SGCZ: variants seen among roughly 807,000 people sequenced by gnomAD.
SGCZ encodes the protein zeta-sarcoglycan.
SGCZ carries 40 observed loss-of-function variants against 41.3 expected under a neutral mutation model. That is an observed-to-expected ratio of 0.97 (90% CI 0.75 to 1.26). SGCZ has a LOEUF of 1.26. Among genes scored for constraint, SGCZ ranks in the 50% most tolerant of loss-of-function variants. The pLI is 0.00. For synonymous variants in SGCZ, 206 were observed against 137.5 expected (o/e 1.50, Z -3.49); for missense variants, 552 against 369.8 (o/e 1.49, Z -4.04).
At chr8:15,042,328 G>A (rs761637194) in intron 1 of SGCZ, among the ~76,000 whole-genome samples, 3 of 152,128 alleles carry the variant, frequency 2.0e-5, no homozygotes, top group Non-Finnish European at 4.4e-5. Flanking sequence ...CACAGCCTCT[G>A]TGTCAGCTCC....
chr8:14,567,305 T>A (rs1435339814), intron 1 of SGCZ, among the ~76,000 whole-genome samples: 6 of 152,130 alleles, frequency 3.9e-5, no homozygotes, highest in Non-Finnish European at 7.3e-5. Context: ...AGCTCCTGAG[T>A]CTAGTGGGGA....
At chr8:14,917,765 T>C (rs964550294) in intron 1 of SGCZ, among the ~76,000 whole-genome samples, 16 of 152,102 alleles carry the variant, frequency 1.1e-4, no homozygotes, top group African/African-American at 3.6e-4. Context: ...TCTGTCTTCA[T>C]TTGGAAAAAA....
rs537761455 is a variant in SGCZ, at chr8:14,897,713, T to G, written c.39+339872A>C. On this transcript the variant is annotated intron_variant, in intron 1 of 7. Transcript: ENST00000382080. The stretch of plus-strand genomic sequence containing the variant: ...ACTAAACTCTTTACGTTCTTGCAAC[T>G]GTATTATATCAACAAATGGCCATTC... Among the ~76,000 whole-genome samples, 3 of 152,334 alleles carry G rather than the reference T, an allele frequency of 2.0e-5. 1 individual carries two copies. In the South Asian group the frequency reaches 6.2e-4, roughly 32 times the overall value.
chr8:15,024,388 A>T (rs536901932), intron 1 of SGCZ, among the ~76,000 whole-genome samples: 1 of 152,304 alleles, frequency 6.6e-6, no homozygotes, highest in East Asian at 1.9e-4. Flanking sequence ...TATTCTGCAA[A>T]TATTTAGTGA....
At chr8:15,052,289 G>T (rs570416892) in intron 1 of SGCZ, among the ~76,000 whole-genome samples, 1 of 152,334 alleles carries the variant, frequency 6.6e-6, no homozygotes, top group South Asian at 2.1e-4. Context: ...GAGTTTCCAA[G>T]TACACATTCA....
At chr8:14,259,730 G>C (rs905298458) in intron 3 of SGCZ, among the ~76,000 whole-genome samples, 3 of 149,762 alleles carry the variant, frequency 2.0e-5, no homozygotes, top group Non-Finnish European at 4.5e-5. Context: ...AGTATAGTTT[G>C]AAATCAGGTA....
intron 1 of SGCZ, among the ~76,000 whole-genome samples, chr8:15,016,839 G>A (rs1172324201): frequency 6.6e-6 from 1 of 152,076 alleles, no homozygotes; most frequent in African/African-American, 2.4e-5. Context: ...ATGGTGGAAG[G>A]CAAAGGGAAT....
intron 1 of SGCZ, among the ~76,000 whole-genome samples, chr8:14,589,249 G>T (rs1042804642): frequency 2.6e-5 from 4 of 151,104 alleles, no homozygotes; most frequent in African/African-American, 9.7e-5. Flanking sequence ...GGGAGGCTGA[G>T]GCAGGAGAAT....
chr8:14,410,483 G>A (rs10089836), intron 2 of SGCZ, among the ~76,000 whole-genome samples: 2,307 of 151,812 alleles, frequency 0.015, 63 homozygotes, highest in African/African-American at 0.052. Flanking sequence ...ATTCACAGAA[G>A]GATGGAATTC....
At chr8:15,026,416 G>A (rs1409080898) in intron 1 of SGCZ, among the ~76,000 whole-genome samples, 3 of 152,098 alleles carry the variant, frequency 2.0e-5, no homozygotes, top group Non-Finnish European at 4.4e-5. Flanking sequence ...GTGTAGTGTT[G>A]TTTCCAAAAA....
At chr8:14,926,473 T>C (rs73517354) in intron 1 of SGCZ, among the ~76,000 whole-genome samples, 2,244 of 151,602 alleles carry the variant, frequency 0.015, 50 homozygotes, top group African/African-American at 0.049. Flanking sequence ...ATTTATCACG[T>C]AAGCATCTCA....
At chr8:15,206,452 C>CTTTTTTTTTTTTTTTTTTTTT (rs3069943) in intron 1 of SGCZ, among the ~76,000 whole-genome samples, 1 of 144,380 alleles carries the variant, frequency 6.9e-6, no homozygotes. Flanking sequence ...TCTGGGGAGT[C>CTTTTTTTTTTTTTTTTTTTTT]TTTTTTTTTT....
chr8:15,140,585 C>A (rs1224959941), intron 1 of SGCZ, among the ~76,000 whole-genome samples: 1 of 152,006 alleles, frequency 6.6e-6, no homozygotes, highest in African/African-American at 2.4e-5. Flanking sequence ...CCAACAAAAA[C>A]CAAAAATGAC....
At chr8:14,966,654 G>A (rs1801135250) in intron 1 of SGCZ, among the ~76,000 whole-genome samples, 1 of 151,966 alleles carries the variant, frequency 6.6e-6, no homozygotes, top group African/African-American at 2.4e-5. Flanking sequence ...TTCTGTAAAA[G>A]CACCAGATTA....
chr8:14,766,970 G>A (rs1026657811), intron 1 of SGCZ, among the ~76,000 whole-genome samples: 9 of 152,000 alleles, frequency 5.9e-5, no homozygotes, highest in African/African-American at 2.2e-4. Context: ...TAAATGTTTT[G>A]AAAAACATAT....
At chr8:15,127,041 G>A (rs1426480934) in intron 1 of SGCZ, among the ~76,000 whole-genome samples, 1 of 152,148 alleles carries the variant, frequency 6.6e-6, no homozygotes, top group African/African-American at 2.4e-5. Context: ...AAATTGGCTG[G>A]AATGCATAAG....
chr8:14,985,262 G>C lies in SGCZ; in HGVS notation c.39+252323C>G, dbSNP rs543351025. Among the ~76,000 whole-genome samples the C allele has an allele frequency of 3.3e-5, 5 of 152,182 alleles. No individual in the cohort carries two copies. The South Asian group carries it at 6.2e-4, about 19-fold the overall frequency. ...TCTATATTATCCCTTAGAATGGAGAGAATAAAGCATCCAAAATCATAAAAT... is the reference window on the plus strand; with the variant it reads ...TCTATATTATCCCTTAGAATGGAGACAATAAAGCATCCAAAATCATAAAAT... On this transcript the variant is annotated intron_variant, in intron 1 of 7. Coordinates refer to ENST00000382080, the MANE Select transcript of SGCZ (RefSeq NM_139167.4).
At chr8:15,186,868 TAA>T (rs1248058917) in intron 1 of SGCZ, among the ~76,000 whole-genome samples, 1 of 152,190 alleles carries the variant, frequency 6.6e-6, no homozygotes, top group African/African-American at 2.4e-5. Flanking sequence ...TTTAAGCATT[TAA>T]GCAGATCTTA....
intron 5 of SGCZ, among the ~76,000 whole-genome samples, chr8:14,147,351 G>A (rs1803558456): frequency 6.6e-6 from 1 of 152,000 alleles, no homozygotes; most frequent in African/African-American, 2.4e-5. Flanking sequence ...CACACAGACT[G>A]AAAAGAAAGG....
Sources: allele counts gnomAD v4.1 joint callset (sites outside exome capture counted in the v4.1 genomes callset), GRCh38; gene constraint gnomAD v4.1.1; transcripts MANE v1.5; gene names NCBI Gene and HGNC (gene_info 2026-07-23, HGNC 2026-07-21).